Variants in MAN1A1 observed in about 807,000 individuals in gnomAD.
MAN1A1 encodes mannosidase alpha class 1A member 1, also known as mannosyl-oligosaccharide 1,2-alpha-mannosidase IA.
Under a neutral mutation model 70.8 loss-of-function variants are expected in MAN1A1, and 29 were observed. The observed-to-expected ratio is 0.41, with a 90% CI of 0.31 to 0.56. The LOEUF (loss-of-function observed/expected upper bound fraction) is 0.56, where lower values mean the gene tolerates loss of function less well. Ranked by LOEUF, MAN1A1 falls within the 20% of genes least tolerant of loss-of-function variation. MAN1A1 has a pLI of 0.29. For synonymous variants in MAN1A1, 349 were observed against 330.1 expected, an observed-to-expected ratio of 1.06 and a Z score of -0.62; for missense variants, 747 against 841.3, an observed-to-expected ratio of 0.89 and a Z score of 1.39.
At chr6:119,272,989 A>C (rs928870159) in intron 5 of MAN1A1, among the ~76,000 whole-genome samples, 1 of 152,212 alleles carries the variant, frequency 6.6e-6, no homozygotes, top group Non-Finnish European at 1.5e-5. Context: ...ATAAAGAAGG[A>C]AATCCAGTTA....
At chr6:119,341,167 C>T (rs571418093) in intron 2 of MAN1A1, among the ~76,000 whole-genome samples, 6 of 152,080 alleles carry the variant, frequency 3.9e-5, no homozygotes, top group Admixed American at 6.5e-5. Flanking sequence ...TTTTCAAGTA[C>T]CTAATGATCA....
chr6:119,221,923 T>C (rs1774373549), intron 6 of MAN1A1, among the ~76,000 whole-genome samples: 1 of 152,214 alleles, frequency 6.6e-6, no homozygotes, highest in Non-Finnish European at 1.5e-5. Flanking sequence ...ATATAAAGCA[T>C]AATATTCTTT....
intron 6 of MAN1A1, among the ~76,000 whole-genome samples, chr6:119,216,019 G>A (rs550175071): frequency 3.3e-5 from 5 of 152,298 alleles, no homozygotes; most frequent in African/African-American, 1.2e-4. Context: ...AGTGTCCTAA[G>A]TTAGGCATGA....
intron 5 of MAN1A1, among the ~76,000 whole-genome samples, chr6:119,268,586 T>C (rs1104741): frequency 0.43 from 65,055 of 151,756 alleles, 14,298 homozygotes; most frequent in East Asian, 0.65. Context: ...CTTCTTACTA[T>C]TGTTTTACTT....
chr6:119,215,969 G>C (rs184224068), intron 6 of MAN1A1, among the ~76,000 whole-genome samples: 3 of 152,152 alleles, frequency 2.0e-5, no homozygotes, highest in Non-Finnish European at 4.4e-5. Context: ...AGAAACGATC[G>C]AATGAACCTG....
rs77823345 is a variant in MAN1A1, at chr6:119,299,822, A to G, written c.816+2166T>C. Among the ~76,000 whole-genome samples the G allele has an allele frequency of 6.8e-4, 103 of 152,324 alleles. 1 individual carries two copies. The East Asian group carries it at 0.019, about 27-fold the overall frequency. On this transcript the variant is annotated intron_variant, in intron 4 of 12. Transcript: ENST00000368468. Reference sequence around the variant, plus strand: ...AGGACAGCCAACTGCCTTCTGTTACAGTAACATCTTGTCTGTTACCTTTGC... The same window carrying G: ...AGGACAGCCAACTGCCTTCTGTTACGGTAACATCTTGTCTGTTACCTTTGC...
intron 6 of MAN1A1, among the ~76,000 whole-genome samples, chr6:119,243,692 C>A (rs959911444): frequency 2.0e-5 from 3 of 151,978 alleles, no homozygotes; most frequent in Non-Finnish European, 4.4e-5. Flanking sequence ...GAGCAACCTG[C>A]AATTTAATTA....
chr6:119,294,874 T>C (rs1772155785), intron 4 of MAN1A1, among the ~76,000 whole-genome samples: 1 of 152,000 alleles, frequency 6.6e-6, no homozygotes, highest in Non-Finnish European at 1.5e-5. Context: ...CATGAAAAAA[T>C]TATGCCTCAG....
chr6:119,348,300 G>C (rs1333296311), intron 2 of MAN1A1, among the ~76,000 whole-genome samples, 163 bp downstream of exon 2: 1 of 152,212 alleles, frequency 6.6e-6, no homozygotes, highest in Non-Finnish European at 1.5e-5. Context: ...TACTATATTG[G>C]AAACAGGAAA....
Position 119,349,282 on chromosome 6 carries a change from C to A in MAN1A1, c.-217G>T. ...GGCACGCGCGACAGACCGCTGGCTG[C>A]AGCCCCTGCGGGGAGAGAAACAGTA... On this transcript the variant is annotated 5_prime_UTR_variant, in exon 2 of 13. Coordinates refer to ENST00000368468, the MANE Select transcript of MAN1A1 (RefSeq NM_005907.4). 1 of 1,210,814 alleles carries A rather than the reference C, an allele frequency of 8.3e-7. No individual in the cohort carries two copies. The highest frequency in any genetic ancestry group is 4.2e-5 in the South Asian group (1 of 23,918). The allele number at this position is 1,210,814 out of a possible 1,614,324, so 75.0% of individuals were successfully genotyped here.
At chr6:119,239,124 C>T (rs369240024) in intron 6 of MAN1A1, among the ~76,000 whole-genome samples, 9 of 152,040 alleles carry the variant, frequency 5.9e-5, no homozygotes, top group Admixed American at 2.6e-4. Flanking sequence ...GTGATCCGCC[C>T]GCCTCAGCCT....
intron 6 of MAN1A1, among the ~76,000 whole-genome samples, chr6:119,232,112 G>A (rs552400791): frequency 1.3e-5 from 2 of 152,018 alleles, no homozygotes; most frequent in East Asian, 1.9e-4. Context: ...GGTGGCTTAC[G>A]CCTGTAATCC....
At chr6:119,281,053 G>GT (rs1468329885) in intron 5 of MAN1A1, among the ~76,000 whole-genome samples, 3 of 152,232 alleles carry the variant, frequency 2.0e-5, no homozygotes, top group Non-Finnish European at 4.4e-5. Flanking sequence ...CAACTTTACT[G>GT]TTTCAAATCT....
chr6:119,215,115 G>C (rs2114961654), intron 6 of MAN1A1, among the ~76,000 whole-genome samples: 1 of 151,742 alleles, frequency 6.6e-6, no homozygotes, highest in African/African-American at 2.4e-5. Context: ...CGAGTTAATG[G>C]GTGCAGCACA....
At chr6:119,334,230 A>C (rs1286179318) in intron 2 of MAN1A1, among the ~76,000 whole-genome samples, 2 of 152,182 alleles carry the variant, frequency 1.3e-5, no homozygotes, top group Non-Finnish European at 1.5e-5. Flanking sequence ...TTAAATTCTA[A>C]GATTGAAAAA....
intron 5 of MAN1A1, among the ~76,000 whole-genome samples, chr6:119,257,980 T>C (rs1775506638): frequency 6.6e-6 from 1 of 152,166 alleles, no homozygotes; most frequent in Admixed American, 6.5e-5. Flanking sequence ...ATGTTTACAC[T>C]AAATATGACA....
At chr6:119,231,543 A>G (rs542578533) in intron 6 of MAN1A1, among the ~76,000 whole-genome samples, 1 of 152,204 alleles carries the variant, frequency 6.6e-6, no homozygotes, top group South Asian at 2.1e-4. Context: ...GACTAATACA[A>G]TTACTGAGGA....
At chr6:119,314,852 A>C (rs1037565422) in intron 2 of MAN1A1, among the ~76,000 whole-genome samples, 1 of 152,034 alleles carries the variant, frequency 6.6e-6, no homozygotes, top group African/African-American at 2.4e-5. Context: ...TTCGGCTCTC[A>C]GCTCCAGCTC....
At chr6:119,326,630 C>T (rs1773153778) in intron 2 of MAN1A1, among the ~76,000 whole-genome samples, 1 of 152,212 alleles carries the variant, frequency 6.6e-6, no homozygotes, top group Admixed American at 6.5e-5. Flanking sequence ...ACTCACAGTT[C>T]AGCATGGCTG....
Sources: gnomAD v4.1 joint callset for allele counts (sites outside exome capture counted in the v4.1 genomes callset) on GRCh38, gnomAD v4.1.1 for gene constraint, MANE v1.5 for transcripts, NCBI Gene and HGNC (gene_info 2026-07-23, HGNC 2026-07-21) for gene names.